Variants in DOCK8 observed in about 807,000 individuals in gnomAD.
DOCK8 encodes the protein dedicator of cytokinesis protein 8.
DOCK8 carries 141 observed loss-of-function variants against 245.6 expected under a neutral mutation model. The ratio of observed to expected loss-of-function variants is 0.57; its 90% CI spans 0.50 to 0.66. The LOEUF (loss-of-function observed/expected upper bound fraction) is 0.66, where lower values mean the gene tolerates loss of function less well. DOCK8 is among the 30% of genes least tolerant of loss of function. DOCK8 has a pLI of 0.00. For missense variants in DOCK8, 2,965 were observed against 2,603.4 expected, an observed-to-expected ratio of 1.14 and a Z score of -3.02; for synonymous variants, 1,168 against 970.2, an observed-to-expected ratio of 1.20 and a Z score of -3.79.
intron 1 of DOCK8, among the ~76,000 whole-genome samples, chr9:218,674 A>G (rs2046817796): frequency 6.6e-6 from 1 of 152,212 alleles, no homozygotes; most frequent in African/African-American, 2.4e-5. Flanking sequence ...ACAAAATCTT[A>G]GTGTCTTTCA....
Position 396,764 on chromosome 9 carries a change from T to G in DOCK8, c.2971-21T>G, listed in dbSNP as rs919092258. On this transcript the variant is annotated intron_variant, in intron 24 of 47. Coordinates refer to ENST00000432829, the MANE Select transcript of DOCK8 (RefSeq NM_203447.4). Reference sequence around the variant, plus strand: ...AGGTCACCAATCTCCATGTTGACATTTCCTCCATCCCCCTCCGCAGGTGAA... The same window carrying G: ...AGGTCACCAATCTCCATGTTGACATGTCCTCCATCCCCCTCCGCAGGTGAA... 3 of 1,613,992 alleles carry G rather than the reference T, an allele frequency of 1.9e-6. No individual in the cohort carries two copies. The African/African-American group carries it at 4.0e-5, about 22-fold the overall frequency.
chr9:215,818 C>T (rs1239265096), intron 1 of DOCK8: 1 of 173,480 alleles, frequency 5.8e-6, no homozygotes, highest in East Asian at 1.8e-4. Context: ...TTTTCCTCCA[C>T]TAAAAACTGC....
chr9:214,645 C>G (rs921773697), upstream of DOCK8: 22 of 1,610,856 alleles, frequency 1.4e-5, no homozygotes, highest in Non-Finnish European at 1.8e-5. Flanking sequence ...GTCGTCCGCC[C>G]GCGCTCCCTT....
chr9:418,660 C>T (rs1361817941), intron 30 of DOCK8, among the ~76,000 whole-genome samples: 3 of 152,286 alleles, frequency 2.0e-5, no homozygotes, highest in African/African-American at 7.2e-5. Context: ...GTGAGGCTGG[C>T]AGCTGAGGTG....
intron 14 of DOCK8, among the ~76,000 whole-genome samples, chr9:357,027 A>C (rs1586787096): frequency 6.6e-6 from 1 of 152,314 alleles, no homozygotes; most frequent in South Asian, 2.1e-4. Flanking sequence ...TAAACACTCT[A>C]GCTTTCCCTT....
chr9:274,917 A>G (rs936361812), intron 2 of DOCK8, among the ~76,000 whole-genome samples: 2 of 152,220 alleles, frequency 1.3e-5, no homozygotes, highest in South Asian at 4.1e-4. Flanking sequence ...ACTTGCTGAT[A>G]CAAATGATTG....
Position 293,065 on chromosome 9 carries a change from A to G in DOCK8, c.404+3484A>G, listed in dbSNP as rs138663837. 1.0e-3 allele frequency among the ~76,000 whole-genome samples: 154 copies of G among 152,312 alleles called. 1 individual carries two copies. In the Middle Eastern group the frequency reaches 0.017, roughly 17 times the overall value. Reference sequence around the variant, plus strand: ...GCAACATTCTAGGGATGGGATTACCATTGGCCCAGTTCTCTGCACCCCTGT... The same window carrying G: ...GCAACATTCTAGGGATGGGATTACCGTTGGCCCAGTTCTCTGCACCCCTGT... On this transcript the variant is annotated intron_variant, in intron 4 of 47. Coordinates refer to ENST00000432829, the MANE Select transcript of DOCK8 (RefSeq NM_203447.4).
At chr9:357,222 T>G (rs934835649) in intron 14 of DOCK8, among the ~76,000 whole-genome samples, 2 of 152,232 alleles carry the variant, frequency 1.3e-5, no homozygotes, top group African/African-American at 4.8e-5. Flanking sequence ...AAGAATGGGA[T>G]GGAGATTAAT....
chr9:215,028 A>G lies in DOCK8; in HGVS notation c.52A>G (p.Arg18Gly), dbSNP rs200689054. Residue 18 changes from arginine (R) to glycine (G), a missense_variant and splice_region_variant, in exon 1 of 48, where the codon AGG (arginine) becomes GGG (glycine). This residue lies in a region of DOCK8 where 2,825 missense variants were observed against 2,453.5 expected (regional missense o/e 1.15). Transcript: ENST00000432829. ...ERRAFALKIN[R>G]YSSAEIRKQF... ...CCGCGCGTTCGCGCTCAAGATCAAC[A>G]GGTAAGACGCCCCCCGCGGCGCGCA... 258 of 1,583,204 alleles carry G rather than the reference A, an allele frequency of 1.6e-4. No individual in the cohort carries two copies. In the African/African-American group the frequency reaches 3.2e-3, roughly 19 times the overall value.
At chr9:297,036 C>A (rs888048480) in intron 4 of DOCK8, among the ~76,000 whole-genome samples, 2 of 152,122 alleles carry the variant, frequency 1.3e-5, no homozygotes, top group South Asian at 4.1e-4. Context: ...ACTCCCTACC[C>A]CAAGGCATGG....
intron 30 of DOCK8, among the ~76,000 whole-genome samples, chr9:419,082 A>G (rs2056163171): frequency 6.6e-6 from 1 of 152,172 alleles, no homozygotes. Context: ...ATCTCTGTTC[A>G]TTGATGAGCT....
chr9:234,002 T>C (rs1210884794), intron 1 of DOCK8, among the ~76,000 whole-genome samples: 1 of 152,218 alleles, frequency 6.6e-6, no homozygotes, highest in Non-Finnish European at 1.5e-5. Flanking sequence ...GGATGGTCTT[T>C]ACAATTTGGC....
intron 2 of DOCK8, among the ~76,000 whole-genome samples, chr9:278,164 A>G (rs1031524916): frequency 1.3e-5 from 2 of 151,934 alleles, no homozygotes; most frequent in Non-Finnish European, 1.5e-5. Flanking sequence ...ACGTTTCTTT[A>G]TTGTCATTGT....
At chr9:315,039 T>G (rs1226674901) in intron 6 of DOCK8, among the ~76,000 whole-genome samples, 1 of 152,104 alleles carries the variant, frequency 6.6e-6, no homozygotes, top group Non-Finnish European at 1.5e-5. Context: ...CTCCAAATTA[T>G]AGAAAAGTTT....
intron 14 of DOCK8, among the ~76,000 whole-genome samples, chr9:342,669 C>T (rs1030832212): frequency 7.2e-5 from 11 of 152,052 alleles, no homozygotes; most frequent in Non-Finnish European, 1.3e-4. Flanking sequence ...AGGGTTTCAC[C>T]ATCTTGGCCA....
chr9:239,013 A>G (rs2047323807), intron 1 of DOCK8, among the ~76,000 whole-genome samples: 2 of 152,344 alleles, frequency 1.3e-5, no homozygotes, highest in African/African-American at 4.8e-5. Flanking sequence ...TGGGATGTCA[A>G]GGAAACCGGA....
intron 4 of DOCK8, among the ~76,000 whole-genome samples, chr9:300,299 C>T (rs995919536): frequency 1.3e-5 from 2 of 152,148 alleles, no homozygotes; most frequent in Admixed American, 6.5e-5. Flanking sequence ...TTGCTAGTAG[C>T]TCTCTTACAT....
intron 14 of DOCK8, among the ~76,000 whole-genome samples, chr9:361,730 A>C (rs2052741293): frequency 6.6e-6 from 1 of 152,198 alleles, no homozygotes; most frequent in South Asian, 2.1e-4. Flanking sequence ...AAAGGCGTAG[A>C]TTTCATATTA....
intron 1 of DOCK8, among the ~76,000 whole-genome samples, chr9:218,320 A>C (rs1460301078): frequency 6.6e-6 from 1 of 152,256 alleles, no homozygotes; most frequent in African/African-American, 2.4e-5. Flanking sequence ...TATTAAAAAT[A>C]TTATTTGTAA....
Sources: allele counts gnomAD v4.1 joint callset (sites outside exome capture counted in the v4.1 genomes callset), GRCh38; gene constraint gnomAD v4.1.1; regional missense constraint gnomAD v4.1.1; transcripts MANE v1.5; gene names NCBI Gene and HGNC (gene_info 2026-07-23, HGNC 2026-07-21).